Variants in CBL observed in about 807,000 individuals in gnomAD.
The protein encoded by CBL is Cbl proto-oncogene, also known as E3 ubiquitin-protein ligase CBL.
Under a neutral mutation model 96.9 loss-of-function variants are expected in CBL, and 45 were observed. The ratio of observed to expected loss-of-function variants is 0.46; its 90% CI spans 0.37 to 0.60. The LOEUF (loss-of-function observed/expected upper bound fraction) is 0.60, where lower values mean the gene tolerates loss of function less well. Ranked by LOEUF, CBL falls within the 20% of genes least tolerant of loss-of-function variation. The probability of loss-of-function intolerance (pLI) is 0.00; values close to 1 mark genes in which losing one functional copy is unlikely to be tolerated. For missense variants in CBL, 1,024 were observed against 1,143.5 expected, an observed-to-expected ratio of 0.90 and a Z score of 1.51; for synonymous variants, 420 against 426.8, an observed-to-expected ratio of 0.98 and a Z score of 0.20.
At chr11:119,263,084 A>T (rs1949766456) in intron 2 of CBL, among the ~76,000 whole-genome samples, 1 of 152,224 alleles carries the variant, frequency 6.6e-6, no homozygotes, top group Non-Finnish European at 1.5e-5. Flanking sequence ...AGCTTAGTAA[A>T]GCATCTAATC....
intron 1 of CBL, among the ~76,000 whole-genome samples, chr11:119,225,689 TG>T (rs1435092943): frequency 1.3e-5 from 2 of 151,312 alleles, no homozygotes; most frequent in Non-Finnish European, 2.9e-5. Flanking sequence ...GGATTACAGA[TG>T]TAAGACACCG....
Position 119,300,008 on chromosome 11 carries a change from CA to C in CBL, c.*228del, listed in dbSNP as rs1354535637. 3.3e-6 allele frequency: 2 copies of C among 609,872 alleles called. No individual in the cohort carries two copies. Among genetic ancestry groups the C allele is most frequent in the African/African-American group, 3.7e-5 (2 of 54,046 alleles). The allele number at this position is 609,872 out of a possible 1,614,324, so 37.8% of individuals were successfully genotyped here. A position where few individuals can be genotyped will look rare whatever the true frequency, so the allele number is the denominator to read the frequency against. ...CTTGAGTGCATTTGAAGGTGTCCTT[CA>C]GTTCCCACGTAGAGAGAGTGTGGAT... On this transcript the variant is annotated 3_prime_UTR_variant, in exon 16 of 16. Transcript: ENST00000264033.
At chr11:119,255,101 C>T (rs956183524) in intron 2 of CBL, among the ~76,000 whole-genome samples, 3 of 152,112 alleles carry the variant, frequency 2.0e-5, no homozygotes, top group Admixed American at 6.5e-5. Flanking sequence ...TTCTGCCTGC[C>T]TTCCCCTAAC....
chr11:119,241,853 G>A (rs7103737), intron 2 of CBL, among the ~76,000 whole-genome samples: 278 of 152,304 alleles, frequency 1.8e-3, no homozygotes, highest in African/African-American at 6.1e-3. Flanking sequence ...TGTAGAGATG[G>A]AAAGAAGTGG....
intron 2 of CBL, among the ~76,000 whole-genome samples, chr11:119,269,210 A>G (rs1263214639): frequency 6.6e-6 from 1 of 151,992 alleles, no homozygotes; most frequent in African/African-American, 2.4e-5. Flanking sequence ...GTGCTAGGAA[A>G]AAAACAGTTA....
At chr11:119,219,437 C>T (rs1949390433) in intron 1 of CBL, among the ~76,000 whole-genome samples, 1 of 151,244 alleles carries the variant, frequency 6.6e-6, no homozygotes, top group African/African-American at 2.4e-5. Flanking sequence ...TACTTCATGG[C>T]CCTGGTATAT....
chr11:119,228,721 C>A (rs1485084877), intron 1 of CBL, among the ~76,000 whole-genome samples: 3 of 151,816 alleles, frequency 2.0e-5, no homozygotes, highest in East Asian at 3.9e-4. Flanking sequence ...CTTGGACTCA[C>A]TCAAGCAATC....
chr11:119,269,078 T>G (rs899707668), intron 2 of CBL, among the ~76,000 whole-genome samples: 1 of 152,184 alleles, frequency 6.6e-6, no homozygotes, highest in Non-Finnish European at 1.5e-5. Context: ...TAACTTGTGC[T>G]TTGTAGGGTT....
chr11:119,299,442 T>C, intron 15 of CBL, 53 bp from the exon 16 acceptor site: 1 of 1,514,930 alleles, frequency 6.6e-7, no homozygotes. Flanking sequence ...ATTGCTGTTG[T>C]TAAATGAGGA....
chr11:119,279,491 CT>C (rs367801181), intron 9 of CBL, among the ~76,000 whole-genome samples: 65 of 119,512 alleles, frequency 5.4e-4, no homozygotes, highest in East Asian at 4.6e-3. Context: ...ATGCCCCCCC[CT>C]AAAAAAAAAA....
At position 119,304,282 on chromosome 11, in the gene CBL, T is replaced by C. The variant is rs1231292367; in HGVS notation, c.*4501T>C. 2 of 233,200 alleles carry C rather than the reference T, an allele frequency of 8.6e-6. No homozygotes were observed. The highest frequency in any genetic ancestry group is 6.0e-5 in the East Asian group (1 of 16,606). The allele number at this position is 233,200 out of a possible 1,614,324, so 14.4% of individuals were successfully genotyped here. A position where few individuals can be genotyped will look rare whatever the true frequency, so the allele number is the denominator to read the frequency against. On this transcript the variant is annotated 3_prime_UTR_variant, in exon 16 of 16. Transcript: ENST00000264033. ...TGAGCAGTGTTTTGTTGGAAATACA[T>C]AGAACGGCTTAATGCCTAGAGGGTG...
intron 12 of CBL, among the ~76,000 whole-genome samples, chr11:119,293,804 C>T (rs190655516): frequency 6.6e-6 from 1 of 152,254 alleles, no homozygotes; most frequent in Admixed American, 6.5e-5. Flanking sequence ...AAAAGCATGG[C>T]GCTGGCATGG....
Position 119,271,877 on chromosome 11 carries a change from G to A in CBL, c.586G>A (p.Glu196Lys), listed in dbSNP as rs757705359. The A allele has an allele frequency of 1.2e-6, 2 of 1,613,678 alleles. No homozygotes were observed. ...AAEFWRKAFG[E>K]KTIVPWKSFR... ...GGAATTTTGGAGAAAAGCTTTTGGG[G>A]AAAAGTAAGTCTCAGAATAATGAAT... Residue 196 changes from glutamate to lysine, a missense_variant, in exon 3 of 16, where the codon GAA becomes AAA. By Grantham distance (56) the Glu-to-Lys change is moderately conservative (BLOSUM62 1). Around this residue, in one of 4 missense-constraint regions of CBL, gnomAD observed 192 missense variants for 321.8 expected, o/e 0.60. Coordinates refer to ENST00000264033, the MANE Select transcript of CBL (RefSeq NM_005188.4).
intron 1 of CBL, among the ~76,000 whole-genome samples, chr11:119,230,645 T>C (rs1021589630): frequency 3.9e-5 from 6 of 152,172 alleles, no homozygotes; most frequent in Non-Finnish European, 7.3e-5. Context: ...TCATGTAATG[T>C]GTAAGGGATC....
Position 119,292,753 on chromosome 11 carries a change from C to T in CBL, c.2037-4165C>T, listed in dbSNP as rs540540988. Reference sequence around the variant, plus strand: ...TTGATTTTTAAATTTATTCAGCCTCCCTAGTAACTGAGACTATAGATGTGT... The same window carrying T: ...TTGATTTTTAAATTTATTCAGCCTCTCTAGTAACTGAGACTATAGATGTGT... On this transcript the variant is annotated intron_variant, in intron 12 of 15. Coordinates refer to ENST00000264033, the MANE Select transcript of CBL (RefSeq NM_005188.4). 5.9e-5 allele frequency among the ~76,000 whole-genome samples: 9 copies of T among 152,186 alleles called. No homozygotes were observed. In the East Asian group the frequency reaches 1.7e-3, roughly 29 times the overall value.
rs2135303515 is a variant in CBL, at chr11:119,278,168, A to T, written c.1098A>T (p.Glu366Asp). Residue 366 changes from glutamate to aspartate, a missense_variant and splice_region_variant, in exon 8 of 16, where the codon GAA becomes GAT. Physicochemically the swap from Glu to Asp is conservative, Grantham distance 45. Around this residue, in one of 4 missense-constraint regions of CBL, gnomAD observed 695 missense variants for 661.6 expected, o/e 1.05. Coordinates refer to ENST00000264033, the MANE Select transcript of CBL (RefSeq NM_005188.4). ...TPQDHIKVTQ[E>D]QYELYCEMGS... The stretch of plus-strand genomic sequence containing the variant: ...CTTTTAATTTTTTTTAATCAAAGGA[A>T]CAATATGAATTATACTGTGAGATGG... The T allele has an allele frequency of 6.3e-7, 1 of 1,596,222 alleles. No individual in the cohort carries two copies. The highest frequency in any genetic ancestry group is 8.6e-7 in the Non-Finnish European group (1 of 1,163,838).
intron 1 of CBL, among the ~76,000 whole-genome samples, chr11:119,216,457 C>T (rs1391722386): frequency 1.3e-5 from 2 of 151,822 alleles, no homozygotes; most frequent in African/African-American, 4.8e-5. Context: ...CTGCAACCTC[C>T]GCCTCCCGGG....
At position 119,284,950 on chromosome 11, in the gene CBL, A is replaced by C; in HGVS notation, c.1432-19A>C. The C allele has an allele frequency of 6.2e-7, 1 of 1,613,870 alleles. No homozygotes were observed. Among genetic ancestry groups the C allele is most frequent in the African/African-American group, 1.3e-5 (1 of 74,988 alleles). ...TTCCCCAAACGAAAGTAATCTGTTA[A>C]ATTTTTTATGTACCCTAGGTGGAAC... On this transcript the variant is annotated intron_variant, in intron 9 of 15. Transcript: ENST00000264033.
intron 2 of CBL, among the ~76,000 whole-genome samples, chr11:119,265,219 T>C (rs1380312171): frequency 1.3e-5 from 2 of 152,224 alleles, no homozygotes; most frequent in Non-Finnish European, 2.9e-5. Context: ...TGTTTCCTTC[T>C]CTTTTTAAAT....
Sources: gnomAD v4.1 joint callset for allele counts (sites outside exome capture counted in the v4.1 genomes callset) on GRCh38, gnomAD v4.1.1 for gene constraint, gnomAD v4.1.1 regional missense constraint, MANE v1.5 for transcripts, NCBI Gene and HGNC (gene_info 2026-07-23, HGNC 2026-07-21) for gene names.